The following HIVEP2 variants were observed in gnomAD, a reference collection of about 807,000 sequenced individuals.
HIVEP2 encodes HIVEP zinc finger 2.
In HIVEP2, 14 loss-of-function variants were observed where a neutral mutation model predicts 180.7. The observed-to-expected ratio is 0.08, with a 90% CI of 0.05 to 0.12. The LOEUF (loss-of-function observed/expected upper bound fraction) is 0.12. HIVEP2 is among the 10% of genes least tolerant of loss of function. The pLI, the probability that HIVEP2 is intolerant of heterozygous loss-of-function variation, is 1.00. For missense variants in HIVEP2, 2,579 were observed against 3,008.5 expected, an observed-to-expected ratio of 0.86 and a Z score of 3.34; for synonymous variants, 1,184 against 1,136.4, an observed-to-expected ratio of 1.04 and a Z score of -0.84.
intron 1 of HIVEP2, among the ~76,000 whole-genome samples, chr6:142,867,648 T>C (rs1776173891): frequency 6.6e-6 from 1 of 152,192 alleles, no homozygotes; most frequent in South Asian, 2.1e-4. Context: ...GCTGTGAATG[T>C]TGGACATGGC....
At chr6:142,775,915 A>G (rs1337051727) in intron 4 of HIVEP2, among the ~76,000 whole-genome samples, 3 of 151,260 alleles carry the variant, frequency 2.0e-5, no homozygotes, top group Admixed American at 2.0e-4. Flanking sequence ...CATATATGAT[A>G]CATGTTTTAT....
intron 1 of HIVEP2, among the ~76,000 whole-genome samples, chr6:142,900,843 C>T (rs947839476): frequency 6.6e-6 from 1 of 152,082 alleles, no homozygotes; most frequent in Admixed American, 6.5e-5. Context: ...TGAGGTTTTT[C>T]CCCCCAAACT....
rs1391777946 is a variant in HIVEP2 at position 142,771,504 on chromosome 6, A to G, written c.3235T>C (p.Phe1079Leu). ...VSPSRERKKC[F>L]LVRQASFSGS... ...CTGAAGGAAGCTTGCCGCACCAGAA[A>G]GCATTTCTTCCTCTCCCTGGACGGT... The change falls in exon 5 of 10, where the codon TTT becomes CTT. Residue 1079 changes from phenylalanine to leucine, a missense_variant. Physicochemically the swap from Phe to Leu is conservative, Grantham distance 22. Around this residue, in one of 11 missense-constraint regions of HIVEP2, gnomAD observed 523 missense variants for 577.0 expected, o/e 0.91. Coordinates refer to ENST00000367603, the MANE Select transcript of HIVEP2 (RefSeq NM_006734.4). The surrounding 1 kb of genome is among the most constrained non-coding windows in gnomAD (Gnocchi z 5.4). 6.2e-7 allele frequency: 1 copy of G among 1,613,768 alleles called. No individual in the cohort carries two copies. Among genetic ancestry groups the G allele is most frequent in the Admixed American group, 1.7e-5 (1 of 60,020 alleles).
intron 9 of HIVEP2, among the ~76,000 whole-genome samples, chr6:142,759,066 C>A (rs1358028289): frequency 6.6e-6 from 1 of 152,070 alleles, no homozygotes; most frequent in African/African-American, 2.4e-5. Flanking sequence ...CTTTGGGAGG[C>A]CGAGGCAGGC....
chr6:142,765,534 T>C (rs1012356083), intron 6 of HIVEP2, among the ~76,000 whole-genome samples: 2 of 152,180 alleles, frequency 1.3e-5, no homozygotes, highest in Non-Finnish European at 2.9e-5. Flanking sequence ...CAGGGTGAGC[T>C]CAGCTCACCA....
intron 2 of HIVEP2, among the ~76,000 whole-genome samples, chr6:142,813,776 G>T (rs973665617): frequency 6.6e-6 from 1 of 151,478 alleles, no homozygotes; most frequent in Non-Finnish European, 1.5e-5. Flanking sequence ...TGTATTGCCC[G>T]GGCTGGTCTC....
intron 2 of HIVEP2, among the ~76,000 whole-genome samples, chr6:142,814,185 G>A (rs1001888154): frequency 5.9e-5 from 9 of 152,062 alleles, no homozygotes; most frequent in Admixed American, 2.0e-4. Context: ...TCATCTAATA[G>A]AGAAATTGAA....
chr6:142,865,966 C>T (rs1221956245), intron 1 of HIVEP2, among the ~76,000 whole-genome samples: 1 of 152,164 alleles, frequency 6.6e-6, no homozygotes, highest in Non-Finnish European at 1.5e-5. Context: ...GACCTTGGTT[C>T]GAATCCTTCC....
chr6:142,755,194 T>C (rs1775032544), intron 9 of HIVEP2, among the ~76,000 whole-genome samples: 1 of 152,224 alleles, frequency 6.6e-6, no homozygotes, highest in South Asian at 2.1e-4. Context: ...TTCTCTGTGA[T>C]ATATCATATG....
intron 6 of HIVEP2, among the ~76,000 whole-genome samples, chr6:142,767,635 G>A (rs1401543393): frequency 6.6e-6 from 1 of 152,162 alleles, no homozygotes; most frequent in Non-Finnish European, 1.5e-5. Flanking sequence ...AGAAGCATAA[G>A]TGTAGGCTTT....
In HIVEP2 at chr6:142,775,447, T is replaced by TA. The variant is rs1000971413; in HGVS notation, c.-387-323dup. Among the ~76,000 whole-genome samples, 22 of 149,974 alleles carry TA rather than the reference T, an allele frequency of 1.5e-4. No individual in the cohort carries two copies. In the South Asian group the frequency reaches 1.7e-3, roughly 11 times the overall value. ...AGTATAAGGTTTTAGAAAGCCCCAT[T>TA]AAAAAAAAATAGAGCTATTCCTAAC... On this transcript the variant is annotated intron_variant, in intron 4 of 9. Coordinates refer to ENST00000367603, the MANE Select transcript of HIVEP2 (RefSeq NM_006734.4).
At chr6:142,830,960 C>T (rs1272566100) in intron 2 of HIVEP2, among the ~76,000 whole-genome samples, 3 of 152,138 alleles carry the variant, frequency 2.0e-5, no homozygotes, top group African/African-American at 7.2e-5. Flanking sequence ...TATCACTACC[C>T]TCCAACCAGA....
At chr6:142,807,958 T>C (rs9373361) in intron 2 of HIVEP2, among the ~76,000 whole-genome samples, 3 of 152,320 alleles carry the variant, frequency 2.0e-5, no homozygotes, top group East Asian at 1.9e-4. Context: ...GCAATATTTC[T>C]AGTCTTACTG....
At chr6:142,925,888 A>AC (rs1777796377) in intron 1 of HIVEP2, among the ~76,000 whole-genome samples, 6 of 152,266 alleles carry the variant, frequency 3.9e-5, no homozygotes, top group Admixed American at 3.9e-4. Flanking sequence ...ACCTTAGCAG[A>AC]CCTCCCAGTG....
At chr6:142,820,380 C>T (rs973747236) in intron 2 of HIVEP2, among the ~76,000 whole-genome samples, 2 of 150,894 alleles carry the variant, frequency 1.3e-5, no homozygotes, top group Non-Finnish European at 2.9e-5. Flanking sequence ...TGGGATTTTT[C>T]TGTTTTGGTT....
In HIVEP2 at chr6:142,774,970, C is replaced by T. The variant is rs73780162; in HGVS notation, c.-232G>A. ...AACACAGTTCTCTCCATTGTAGAAACGTCCATCCAAAAGCTAAGTGCAAAT... is the reference window on the plus strand; with the variant it reads ...AACACAGTTCTCTCCATTGTAGAAATGTCCATCCAAAAGCTAAGTGCAAAT... On this transcript the variant is annotated 5_prime_UTR_variant, in exon 5 of 10. Coordinates refer to ENST00000367603, the MANE Select transcript of HIVEP2 (RefSeq NM_006734.4). The surrounding 1 kb of genome is among the most constrained non-coding windows in gnomAD (Gnocchi z 5.1). 3,027 of 1,287,932 alleles carry T rather than the reference C, an allele frequency of 2.4e-3. 56 individuals are homozygous for T. The African/African-American group carries it at 0.041, about 17-fold the overall frequency. 79.8% of individuals were successfully genotyped at this position (1,287,932 alleles called of 1,614,324 possible).
chr6:142,769,423 C>G, intron 5 of HIVEP2, 129 bp downstream of exon 5: 1 of 787,494 alleles, frequency 1.3e-6, no homozygotes. Context: ...GCCAGACTTT[C>G]TGAAAACGCC....
rs1443922700 is a variant in HIVEP2 at position 142,797,463 on chromosome 6, G to T, written c.-527-13848C>A. Among the ~76,000 whole-genome samples, 9 of 152,124 alleles carry T rather than the reference G, an allele frequency of 5.9e-5. No homozygotes were observed. The South Asian group carries it at 6.2e-4, about 11-fold the overall frequency. ...TAAGGGCATAAATATTTTAGATAGAGAATAGAGACAATATCACCCAAAACT... is the reference window on the plus strand; with the variant it reads ...TAAGGGCATAAATATTTTAGATAGATAATAGAGACAATATCACCCAAAACT... On this transcript the variant is annotated intron_variant, in intron 2 of 9. Coordinates refer to ENST00000367603, the MANE Select transcript of HIVEP2 (RefSeq NM_006734.4).
chr6:142,906,679 C>A (rs1388859480), intron 1 of HIVEP2, among the ~76,000 whole-genome samples: 1 of 151,592 alleles, frequency 6.6e-6, no homozygotes, highest in African/African-American at 2.4e-5. Context: ...TAAATTAGAT[C>A]AAAAATATGC....
Sources: gnomAD v4.1 joint callset for allele counts (sites outside exome capture counted in the v4.1 genomes callset) on GRCh38, gnomAD v4.1.1 for gene constraint, gnomAD v4.1.1 regional missense constraint, Gnocchi (gnomAD v3.1) non-coding constraint, MANE v1.5 for transcripts, NCBI Gene and HGNC (gene_info 2026-07-23, HGNC 2026-07-21) for gene names.